THRB: variants seen among roughly 807,000 people sequenced by gnomAD.
THRB encodes thyroid hormone receptor beta, also known as nuclear receptor subfamily 1 group A member 2.
In THRB, 12 loss-of-function variants were observed where a neutral mutation model predicts 47.8. The observed-to-expected ratio is 0.25, with a 90% CI of 0.16 to 0.41. The LOEUF (loss-of-function observed/expected upper bound fraction) is 0.41. Among genes scored for constraint, THRB ranks in the 10% least tolerant of loss-of-function variants. THRB has a pLI of 1.00. For missense variants in THRB, 348 were observed against 589.2 expected, an observed-to-expected ratio of 0.59 and a Z score of 4.24; for synonymous variants, 218 against 212.2, an observed-to-expected ratio of 1.03 and a Z score of -0.24.
chr3:24,226,737 A>C (rs1310882107), intron 4 of THRB, among the ~76,000 whole-genome samples: 1 of 152,162 alleles, frequency 6.6e-6, no homozygotes, highest in Non-Finnish European at 1.5e-5. Context: ...AACTGCCTGG[A>C]CCACCCTGGG....
intron 3 of THRB, among the ~76,000 whole-genome samples, chr3:24,284,487 A>G (rs535608985): frequency 1.3e-5 from 2 of 151,964 alleles, no homozygotes; most frequent in South Asian, 2.1e-4. Flanking sequence ...CCTAGAAGAA[A>G]ACCTAGGCAT....
chr3:24,450,314 A>G (rs1222207964), intron 1 of THRB, among the ~76,000 whole-genome samples: 2 of 152,224 alleles, frequency 1.3e-5, no homozygotes, highest in African/African-American at 2.4e-5. Context: ...GTAAATGGAC[A>G]GCACGATTTA....
At chr3:24,460,097 A>C (rs59805111) in intron 1 of THRB, among the ~76,000 whole-genome samples, 1 of 152,102 alleles carries the variant, frequency 6.6e-6, no homozygotes, top group African/African-American at 2.4e-5. Flanking sequence ...TTATTATTCT[A>C]TGCTCATTAA....
intron 1 of THRB, among the ~76,000 whole-genome samples, chr3:24,409,846 G>C (rs1454619640): frequency 6.6e-6 from 1 of 151,672 alleles, no homozygotes; most frequent in African/African-American, 2.4e-5. Flanking sequence ...GAACTCACTG[G>C]GTAAGAAACA....
chr3:24,436,962 G>A (rs767950024), intron 1 of THRB, among the ~76,000 whole-genome samples: 1 of 151,902 alleles, frequency 6.6e-6, no homozygotes, highest in African/African-American at 2.4e-5. Flanking sequence ...AAACCCTTAA[G>A]TCTCATTGCA....
chr3:24,221,893 C>T (rs1010727820), intron 4 of THRB, among the ~76,000 whole-genome samples: 32 of 152,072 alleles, frequency 2.1e-4, no homozygotes, highest in African/African-American at 7.5e-4. Context: ...GTTTCTCTTC[C>T]AAGAGAAGCT....
At chr3:24,221,969 T>G (rs1018573421) in intron 4 of THRB, among the ~76,000 whole-genome samples, 3 of 152,200 alleles carry the variant, frequency 2.0e-5, no homozygotes, top group Admixed American at 1.3e-4. Context: ...GACCAGTCCT[T>G]CTTCATGTAG....
At chr3:24,309,099 C>G (rs1276006979) in intron 2 of THRB, among the ~76,000 whole-genome samples, 1 of 152,252 alleles carries the variant, frequency 6.6e-6, no homozygotes, top group East Asian at 1.9e-4. Context: ...CATCTCTGAC[C>G]ACACAGCGAA....
chr3:24,219,022 T>G (rs1412135108), intron 4 of THRB, among the ~76,000 whole-genome samples: 1 of 152,214 alleles, frequency 6.6e-6, no homozygotes, highest in Admixed American at 6.5e-5. Flanking sequence ...ATTCCAGCAC[T>G]TTGAGAAGCC....
chr3:24,210,621 G>A (rs562254108), intron 4 of THRB, among the ~76,000 whole-genome samples: 1 of 152,298 alleles, frequency 6.6e-6, no homozygotes, highest in Admixed American at 6.5e-5. Context: ...TGTGAGGTTA[G>A]TGAGTTTCCA....
At chr3:24,291,700 C>T (rs1157773168) in intron 3 of THRB, among the ~76,000 whole-genome samples, 2 of 152,048 alleles carry the variant, frequency 1.3e-5, no homozygotes, top group Non-Finnish European at 2.9e-5. Context: ...TTGGTTGAAT[C>T]CATGGATGCA....
chr3:24,385,412 T>TACACACAC (rs111954578), intron 1 of THRB, among the ~76,000 whole-genome samples: 4 of 145,268 alleles, frequency 2.8e-5, no homozygotes, highest in African/African-American at 7.6e-5. Flanking sequence ...CACACACACA[T>TACACACAC]ACACACACAC....
chr3:24,204,493 G>C lies in THRB; in HGVS notation c.23-14159C>G, dbSNP rs1015615935. Among the ~76,000 whole-genome samples, 7 of 152,130 alleles carry C rather than the reference G, an allele frequency of 4.6e-5. No homozygotes were observed. The East Asian group carries it at 1.3e-3, about 29-fold the overall frequency. The stretch of plus-strand genomic sequence containing the variant: ...AACAGAAAGGACATCCACACCAAAA[G>C]CCCATCTGTACGTCACCATCATCAA... On this transcript the variant is annotated intron_variant, in intron 4 of 10. Coordinates refer to ENST00000646209, the MANE Select transcript of THRB (RefSeq NM_001354712.2).
intron 1 of THRB, among the ~76,000 whole-genome samples, chr3:24,343,979 C>T (rs542902699): frequency 1.1e-4 from 16 of 147,548 alleles, no homozygotes; most frequent in African/African-American, 3.9e-4. Context: ...TTATTTCCCA[C>T]ATGTGGGAAA....
intron 2 of THRB, among the ~76,000 whole-genome samples, chr3:24,332,816 G>A (rs1559952175): frequency 6.6e-6 from 1 of 152,174 alleles, no homozygotes; most frequent in Non-Finnish European, 1.5e-5. Flanking sequence ...CAGCACTTTG[G>A]GAGGCCGAGG....
At chr3:24,170,323 C>G (rs145936403) in intron 5 of THRB, among the ~76,000 whole-genome samples, 1 of 152,184 alleles carries the variant, frequency 6.6e-6, no homozygotes, top group Non-Finnish European at 1.5e-5. Context: ...GCTGCCATCT[C>G]GCAGTCCAAT....
chr3:24,152,289 G>T, intron 6 of THRB, 101 bp downstream of exon 6: 1 of 704,150 alleles, frequency 1.4e-6, no homozygotes, highest in Non-Finnish European at 2.6e-6. Flanking sequence ...GTTAGAATTT[G>T]ATTTTAATTT....
intron 1 of THRB, among the ~76,000 whole-genome samples, chr3:24,457,529 A>G (rs1390711205): frequency 6.6e-6 from 1 of 152,222 alleles, no homozygotes; most frequent in East Asian, 1.9e-4. Context: ...TCATCAGCTG[A>G]CCAAAAATCT....
In THRB at chr3:24,117,683, A is replaced by G. The variant is rs960098959; in HGVS notation, c.*5201T>C. The G allele has an allele frequency of 1.3e-5, 2 of 152,362 alleles. No individual in the cohort carries two copies. The highest frequency in any genetic ancestry group is 4.1e-4 in the South Asian group (2 of 4,828). The allele number at this position is 152,362 out of a possible 1,614,324, so 9.4% of individuals were successfully genotyped here. On this transcript the variant is annotated 3_prime_UTR_variant, in exon 11 of 11. Coordinates refer to ENST00000646209, the MANE Select transcript of THRB (RefSeq NM_001354712.2). ...GAATGACAAAAAAAGGAGCTTCCTG[A>G]GAATACTGAGTAAGTGCACCCAGAT...
Sources: allele counts gnomAD v4.1 joint callset (sites outside exome capture counted in the v4.1 genomes callset), GRCh38; gene constraint gnomAD v4.1.1; transcripts MANE v1.5; gene names NCBI Gene and HGNC (gene_info 2026-07-23, HGNC 2026-07-21).